Variants in CNTN5 observed in about 807,000 individuals in gnomAD.
CNTN5 encodes contactin-5.
In CNTN5, 77 loss-of-function variants were observed where a neutral mutation model predicts 129.1. The observed-to-expected ratio is 0.60, with a 90% CI of 0.50 to 0.72. The LOEUF (loss-of-function observed/expected upper bound fraction) is 0.72. Among genes scored for constraint, CNTN5 ranks in the 30% least tolerant of loss-of-function variants. The probability of loss-of-function intolerance (pLI) is 0.00; values close to 1 mark genes in which losing one functional copy is unlikely to be tolerated. For synonymous variants in CNTN5, 509 were observed against 465.6 expected, an observed-to-expected ratio of 1.09 and a Z score of -1.20; for missense variants, 1,478 against 1,328.8, an observed-to-expected ratio of 1.11 and a Z score of -1.75.
intron 13 of CNTN5, among the ~76,000 whole-genome samples, chr11:100,162,758 C>A (rs115811087): frequency 0.018 from 2,801 of 151,918 alleles, 71 homozygotes; most frequent in African/African-American, 0.065. Context: ...GGTGCAAATG[C>A]TTTTTCCCTC....
At chr11:99,161,897 C>A (rs1860628895) in intron 1 of CNTN5, among the ~76,000 whole-genome samples, 1 of 152,148 alleles carries the variant, frequency 6.6e-6, no homozygotes, top group Non-Finnish European at 1.5e-5. Flanking sequence ...TTCTCCTCAT[C>A]ACTCTTCAAG....
chr11:99,694,320 T>C (rs569628994), intron 3 of CNTN5, among the ~76,000 whole-genome samples: 13 of 152,218 alleles, frequency 8.5e-5, no homozygotes, highest in African/African-American at 2.9e-4. Flanking sequence ...TTTAATGTTA[T>C]CTATGGCTGT....
At chr11:99,124,289 A>G (rs1591233675) in intron 1 of CNTN5, among the ~76,000 whole-genome samples, 2 of 151,950 alleles carry the variant, frequency 1.3e-5, no homozygotes, top group African/African-American at 4.8e-5. Context: ...TTTTTGTGGC[A>G]ATTGTGAATG....
At chr11:99,145,943 AT>A (rs754862640) in intron 1 of CNTN5, among the ~76,000 whole-genome samples, 7 of 149,214 alleles carry the variant, frequency 4.7e-5, no homozygotes, top group East Asian at 3.9e-4. Context: ...AAGTATGTTG[AT>A]TTTTTTTTTA....
At chr11:99,968,656 C>CTCTTTTTTTTT (rs1951161575) in intron 8 of CNTN5, among the ~76,000 whole-genome samples, 1 of 73,870 alleles carries the variant, frequency 1.4e-5, no homozygotes, top group African/African-American at 4.8e-5. Flanking sequence ...GCTTTGGGTA[C>CTCTTTTTTTTT]TTTTTTTTTT....
intron 2 of CNTN5, among the ~76,000 whole-genome samples, chr11:99,474,728 G>A (rs879798244): frequency 5.3e-5 from 8 of 151,942 alleles, no homozygotes; most frequent in Middle Eastern, 3.4e-3. Flanking sequence ...TTTTTTGAGC[G>A]TTTTCAAATA....
intron 6 of CNTN5, among the ~76,000 whole-genome samples, chr11:99,912,289 T>A (rs1320691482): frequency 2.0e-5 from 3 of 152,004 alleles, no homozygotes; most frequent in Non-Finnish European, 4.4e-5. Flanking sequence ...AAGTGCTACA[T>A]GGTAAATGTT....
At chr11:99,553,965 T>TAC (rs34430127) in intron 2 of CNTN5, among the ~76,000 whole-genome samples, 2,752 of 145,994 alleles carry the variant, frequency 0.019, 36 homozygotes, top group African/African-American at 0.025. Flanking sequence ...TGAAAATGAA[T>TAC]ACACACACAC....
chr11:100,172,834 A>G (rs570274103), intron 13 of CNTN5, among the ~76,000 whole-genome samples: 1 of 152,164 alleles, frequency 6.6e-6, no homozygotes, highest in East Asian at 1.9e-4. Flanking sequence ...TCATGCTAAG[A>G]AGTTTGGGTT....
chr11:100,240,266 G>T (rs571451573), intron 16 of CNTN5, among the ~76,000 whole-genome samples: 1 of 148,850 alleles, frequency 6.7e-6, no homozygotes, highest in African/African-American at 2.6e-5. Flanking sequence ...CTCTATTTAA[G>T]TGCTTCTGCA....
At chr11:99,288,649 T>C (rs947036773) in intron 1 of CNTN5, among the ~76,000 whole-genome samples, 14 of 151,922 alleles carry the variant, frequency 9.2e-5, no homozygotes, top group Admixed American at 9.2e-4. Context: ...TTTCTGAGTT[T>C]CATTCTCTAC....
At chr11:99,357,927 C>T (rs1450905261) in intron 2 of CNTN5, among the ~76,000 whole-genome samples, 3 of 150,910 alleles carry the variant, frequency 2.0e-5, no homozygotes, top group Non-Finnish European at 4.4e-5. Context: ...CTGCATGAAC[C>T]CTGGAGGCGG....
chr11:99,231,675 T>C (rs1022012361), intron 1 of CNTN5, among the ~76,000 whole-genome samples: 4 of 152,304 alleles, frequency 2.6e-5, no homozygotes, highest in Middle Eastern at 3.4e-3. Context: ...TTGTCAACTT[T>C]TGTTTTGTTG....
chr11:99,546,253 G>A (rs1195986413), intron 2 of CNTN5, among the ~76,000 whole-genome samples: 1 of 152,170 alleles, frequency 6.6e-6, no homozygotes. Flanking sequence ...TGTCCTGCAA[G>A]GTGGCCATTC....
Position 99,430,736 on chromosome 11 carries a change from G to T in CNTN5, c.-71+105252G>T, listed in dbSNP as rs368235955. ...CATAGGCCTCCAAAACAAAAGGTTG[G>T]GGGGGCGGGGAGAAAAAGACAAGGA... On this transcript the variant is annotated intron_variant, in intron 2 of 24. Transcript: ENST00000524871. Among the ~76,000 whole-genome samples, 40 of 151,876 alleles carry T rather than the reference G, an allele frequency of 2.6e-4. No homozygotes were observed. In the East Asian group the frequency reaches 6.0e-3, roughly 23 times the overall value.
At chr11:99,984,709 C>T (rs938135420) in intron 8 of CNTN5, among the ~76,000 whole-genome samples, 1 of 152,066 alleles carries the variant, frequency 6.6e-6, no homozygotes, top group Non-Finnish European at 1.5e-5. Context: ...GCTCATAATA[C>T]ATTTAGAATA....
chr11:100,071,927 G>A, intron 12 of CNTN5, 93 bp downstream of exon 12: 2 of 1,141,800 alleles, frequency 1.8e-6, no homozygotes, highest in South Asian at 1.9e-5. Context: ...TGATGTGGTT[G>A]TAAAAATCTA....
chr11:99,490,523 C>T (rs913433268), intron 2 of CNTN5, among the ~76,000 whole-genome samples: 5 of 152,202 alleles, frequency 3.3e-5, no homozygotes, highest in African/African-American at 9.6e-5. Context: ...TTTCAGTGTG[C>T]GTTCCTCAGA....
At chr11:99,094,402 T>C (rs573985780) in intron 1 of CNTN5, among the ~76,000 whole-genome samples, 1 of 152,080 alleles carries the variant, frequency 6.6e-6, no homozygotes, top group African/African-American at 2.4e-5. Context: ...TTGAAATATA[T>C]TTAGAAATAC....
Sources: allele counts gnomAD v4.1 joint callset (sites outside exome capture counted in the v4.1 genomes callset), GRCh38; gene constraint gnomAD v4.1.1; transcripts MANE v1.5; gene names NCBI Gene and HGNC (gene_info 2026-07-23, HGNC 2026-07-21).